The following JAK2 variants were observed in gnomAD, a reference collection of about 807,000 sequenced individuals.
The protein encoded by JAK2 is Janus kinase 2, also known as tyrosine-protein kinase JAK2.
A neutral mutation model predicts 139.3 loss-of-function variants in JAK2; 86 were observed. The observed-to-expected ratio is 0.62, with a 90% confidence interval of 0.52 to 0.74. JAK2 has a LOEUF of 0.74. Ranked by LOEUF, JAK2 falls within the 30% of genes least tolerant of loss-of-function variation. The pLI is 0.00. For missense variants in JAK2, 1,421 were observed against 1,360.3 expected (o/e 1.04, Z -0.70); for synonymous variants, 490 against 437.7 (o/e 1.12, Z -1.49).
intron 2 of JAK2, among the ~76,000 whole-genome samples, chr9:5,018,621 G>C (rs1404335734): frequency 6.6e-6 from 1 of 152,220 alleles, no homozygotes; most frequent in Non-Finnish European, 1.5e-5. Context: ...TTACAGGCTT[G>C]AGCCACTGTG....
intron 4 of JAK2, among the ~76,000 whole-genome samples, chr9:5,034,648 T>A (rs1378877747): frequency 2.6e-5 from 4 of 151,862 alleles, no homozygotes; most frequent in Non-Finnish European, 5.9e-5. Context: ...ACTGGGTACA[T>A]AACGAAATGA....
At chr9:5,086,120 C>CG (rs1820085502) in intron 19 of JAK2, 1 of 430,968 alleles carries the variant, frequency 2.3e-6, no homozygotes, top group Non-Finnish European at 4.2e-6. Context: ...GCATCGGCAG[C>CG]GGCGCGCGGC....
intron 10 of JAK2, among the ~76,000 whole-genome samples, 161 bp from the exon 11 acceptor site, chr9:5,068,861 T>C (rs1195872671): frequency 6.6e-6 from 1 of 152,212 alleles, no homozygotes; most frequent in Non-Finnish European, 1.5e-5. Flanking sequence ...AATTGCCCTT[T>C]TGAGGAACTA....
chr9:5,089,477 G>T (rs1291028849), intron 19 of JAK2, among the ~76,000 whole-genome samples, 197 bp from the exon 20 acceptor site: 2 of 141,620 alleles, frequency 1.4e-5, no homozygotes, highest in East Asian at 4.4e-4. Flanking sequence ...GGCGGAGCTT[G>T]CAGTGAGCCG....
chr9:5,055,992 G>T (rs1427597044), intron 8 of JAK2, among the ~76,000 whole-genome samples: 1 of 151,852 alleles, frequency 6.6e-6, no homozygotes, highest in South Asian at 2.1e-4. Flanking sequence ...AGAGTTTCTT[G>T]TACATTACTG....
intron 2 of JAK2, among the ~76,000 whole-genome samples, chr9:4,990,203 G>A (rs575651159): frequency 1.8e-4 from 28 of 152,264 alleles, no homozygotes; most frequent in Non-Finnish European, 1.3e-4. Context: ...AGTGACGGAG[G>A]AAATCAAAGA....
chr9:5,041,250 T>G, intron 4 of JAK2: 1 of 1,447,834 alleles, frequency 6.9e-7, no homozygotes, highest in Middle Eastern at 1.8e-4. Context: ...CAGCACGCCA[T>G]CCACATCATC....
At chr9:5,067,783 T>C (rs1415271616) in intron 10 of JAK2, among the ~76,000 whole-genome samples, 1 of 152,124 alleles carries the variant, frequency 6.6e-6, no homozygotes, top group African/African-American at 2.4e-5. Flanking sequence ...TTTTCAAATA[T>C]ACAAAAAATT....
intron 22 of JAK2, among the ~76,000 whole-genome samples, chr9:5,117,975 T>C (rs1054732269): frequency 1.3e-5 from 2 of 152,246 alleles, no homozygotes; most frequent in African/African-American, 4.8e-5. Context: ...CATTTTTAAA[T>C]TGATAGCTAA....
intron 2 of JAK2, among the ~76,000 whole-genome samples, chr9:5,002,129 GTT>G (rs1820961407): frequency 6.6e-6 from 1 of 151,720 alleles, no homozygotes; most frequent in African/African-American, 2.4e-5. Context: ...TAAAAACAAA[GTT>G]TTGGTTTGAT....
intron 19 of JAK2, among the ~76,000 whole-genome samples, chr9:5,089,399 G>C (rs1984743): frequency 1.3e-5 from 2 of 151,962 alleles, no homozygotes; most frequent in Non-Finnish European, 2.9e-5. Flanking sequence ...TTAGCTGGGC[G>C]TATTGGCGGG....
At chr9:5,007,815 C>T (rs1030489099) in intron 2 of JAK2, among the ~76,000 whole-genome samples, 3 of 151,770 alleles carry the variant, frequency 2.0e-5, no homozygotes, top group Non-Finnish European at 4.4e-5. Flanking sequence ...GCAATCTCTG[C>T]CTCCCAGGTT....
intron 23 of JAK2, among the ~76,000 whole-genome samples, chr9:5,124,102 G>A (rs1309259074): frequency 6.6e-6 from 1 of 151,688 alleles, no homozygotes; most frequent in Admixed American, 6.6e-5. Flanking sequence ...ATAAATTCTG[G>A]ATGGTAGTTC....
intron 5 of JAK2, among the ~76,000 whole-genome samples, chr9:5,049,810 A>G (rs1012821428): frequency 4.6e-5 from 7 of 152,208 alleles, no homozygotes; most frequent in Middle Eastern, 3.2e-3. Context: ...CCTAGTCTGT[A>G]TGGTATAGCC....
intron 15 of JAK2, among the ~76,000 whole-genome samples, chr9:5,078,056 G>A (rs566759559): frequency 2.0e-5 from 3 of 152,254 alleles, no homozygotes; most frequent in Admixed American, 2.0e-4. Flanking sequence ...GTCAGCCTTA[G>A]AACTCATGTG....
chr9:5,039,542 G>A (rs1294386994), intron 4 of JAK2, among the ~76,000 whole-genome samples: 1 of 152,016 alleles, frequency 6.6e-6, no homozygotes, highest in Non-Finnish European at 1.5e-5. Context: ...AGATACCAAA[G>A]GATGATTGTG....
chr9:5,002,332 T>A (rs1025857875), intron 2 of JAK2, among the ~76,000 whole-genome samples: 2 of 151,998 alleles, frequency 1.3e-5, no homozygotes, highest in Non-Finnish European at 2.9e-5. Context: ...CAAATTTTAT[T>A]GTTTATTATC....
At chr9:5,121,810 GAACA>G (rs1383740709) in intron 22 of JAK2, among the ~76,000 whole-genome samples, 6 of 152,022 alleles carry the variant, frequency 3.9e-5, no homozygotes, top group African/African-American at 7.2e-5. Context: ...ATAAGTGATA[GAACA>G]GACAGAAAAA....
intron 4 of JAK2, chr9:5,041,486 G>A: frequency 3.4e-6 from 2 of 593,804 alleles, no homozygotes; most frequent in Non-Finnish European, 6.5e-6. Flanking sequence ...GATCATGAGC[G>A]GTACAGAAGA....
Sources: allele counts gnomAD v4.1 joint callset (sites outside exome capture counted in the v4.1 genomes callset), GRCh38; gene constraint gnomAD v4.1.1; transcripts MANE v1.5; gene names NCBI Gene and HGNC (gene_info 2026-07-23, HGNC 2026-07-21).